HS3ST4: variants seen among roughly 807,000 people sequenced by gnomAD.
HS3ST4 encodes heparan sulfate-glucosamine 3-sulfotransferase 4.
Under a neutral mutation model 29.2 loss-of-function variants are expected in HS3ST4, and 17 were observed. That is an observed-to-expected ratio of 0.58 (90% CI 0.40 to 0.87). HS3ST4 has a LOEUF of 0.87. HS3ST4 is among the 40% of genes least tolerant of loss of function. HS3ST4 has a pLI of 0.00. For synonymous variants in HS3ST4, 314 were observed against 285.7 expected, an observed-to-expected ratio of 1.10 and a Z score of -1.00; for missense variants, 627 against 634.5, an observed-to-expected ratio of 0.99 and a Z score of 0.13.
chr16:25,887,702 T>C (rs931372883), intron 1 of HS3ST4, among the ~76,000 whole-genome samples: 1 of 142,142 alleles, frequency 7.0e-6, no homozygotes, highest in East Asian at 2.0e-4. Flanking sequence ...TTTTTTTTTT[T>C]TTTTTTTTTT....
intron 1 of HS3ST4, among the ~76,000 whole-genome samples, chr16:25,828,310 CT>C (rs1967254788): frequency 2.3e-5 from 2 of 88,708 alleles, no homozygotes; most frequent in African/African-American, 5.0e-5. Context: ...CCCTCTCTCT[CT>C]CTCTCTCTCT....
At chr16:26,110,603 C>T (rs1449893058) in intron 1 of HS3ST4, among the ~76,000 whole-genome samples, 1 of 152,220 alleles carries the variant, frequency 6.6e-6, no homozygotes, top group Non-Finnish European at 1.5e-5. Context: ...TCCCACTTCA[C>T]CGCTCTCATC....
intron 1 of HS3ST4, among the ~76,000 whole-genome samples, chr16:25,878,362 G>C (rs1967855247): frequency 6.6e-6 from 1 of 152,104 alleles, no homozygotes; most frequent in African/African-American, 2.4e-5. Context: ...CACCAGGGGT[G>C]TAATTCTAAA....
intron 1 of HS3ST4, among the ~76,000 whole-genome samples, chr16:25,767,669 C>T (rs1363599860): frequency 3.9e-5 from 6 of 152,150 alleles, no homozygotes; most frequent in African/African-American, 7.2e-5. Flanking sequence ...TGGATTATGG[C>T]AGTTTCTGGT....
intron 1 of HS3ST4, among the ~76,000 whole-genome samples, chr16:26,113,395 G>T (rs1382286179): frequency 1.3e-5 from 2 of 148,762 alleles, no homozygotes; most frequent in South Asian, 4.3e-4. Context: ...GCAGTGAGCC[G>T]AGATCACGCC....
chr16:25,709,484 A>T (rs1250234024), intron 1 of HS3ST4, among the ~76,000 whole-genome samples: 1 of 152,148 alleles, frequency 6.6e-6, no homozygotes, highest in South Asian at 2.1e-4. Flanking sequence ...CTGTTTCTAG[A>T]CACTCCTCTG....
intron 1 of HS3ST4, among the ~76,000 whole-genome samples, chr16:25,978,942 G>GCT (rs1968973282): frequency 7.6e-6 from 1 of 132,282 alleles, no homozygotes; most frequent in Admixed American, 8.1e-5. Flanking sequence ...TTCTCTTTTT[G>GCT]TTTTTTTTTT....
intron 1 of HS3ST4, among the ~76,000 whole-genome samples, chr16:25,932,135 G>A (rs1968470236): frequency 6.6e-6 from 1 of 152,184 alleles, no homozygotes; most frequent in Non-Finnish European, 1.5e-5. Context: ...GCAATATAGT[G>A]AGACCCTGTC....
At chr16:25,893,670 C>T (rs4417553) in intron 1 of HS3ST4, among the ~76,000 whole-genome samples, 108,448 of 152,140 alleles carry the variant, frequency 0.71, 38,879 homozygotes, top group East Asian at 0.89. Context: ...CATATACCTA[C>T]GTTTAGAGCC....
At chr16:26,040,659 T>C (rs1388698652) in intron 1 of HS3ST4, among the ~76,000 whole-genome samples, 1 of 151,788 alleles carries the variant, frequency 6.6e-6, no homozygotes, top group African/African-American at 2.4e-5. Flanking sequence ...TGAACACTTG[T>C]GGGGTGTTCA....
At chr16:26,047,951 G>C (rs1898289886) in intron 1 of HS3ST4, among the ~76,000 whole-genome samples, 1 of 152,182 alleles carries the variant, frequency 6.6e-6, no homozygotes, top group South Asian at 2.1e-4. Context: ...TGCTTGAGGA[G>C]AGGCATGACT....
intron 1 of HS3ST4, among the ~76,000 whole-genome samples, chr16:26,013,995 C>T (rs1969338663): frequency 1.1e-5 from 1 of 89,446 alleles, no homozygotes; most frequent in South Asian, 4.8e-4. Flanking sequence ...CGACAGATAG[C>T]AACTCTGTCT....
chr16:26,099,962 C>A (rs1321930554), intron 1 of HS3ST4, among the ~76,000 whole-genome samples: 1 of 152,152 alleles, frequency 6.6e-6, no homozygotes, highest in Non-Finnish European at 1.5e-5. Flanking sequence ...GGAGAAAGGG[C>A]AGAAACTTCA....
chr16:26,008,807 A>C (rs1161942221), intron 1 of HS3ST4, among the ~76,000 whole-genome samples: 1 of 152,214 alleles, frequency 6.6e-6, no homozygotes. Flanking sequence ...CGATAGAGTG[A>C]GACCATGTCT....
chr16:25,757,977 G>A (rs951270786), intron 1 of HS3ST4, among the ~76,000 whole-genome samples: 2 of 152,126 alleles, frequency 1.3e-5, no homozygotes, highest in East Asian at 1.9e-4. Context: ...TCTTCTAAGC[G>A]GCACACAATC....
chr16:25,929,830 T>C (rs1025858585), intron 1 of HS3ST4, among the ~76,000 whole-genome samples: 2 of 152,222 alleles, frequency 1.3e-5, no homozygotes, highest in African/African-American at 4.8e-5. Context: ...AGGATTGGGG[T>C]ACATGGTCAG....
At chr16:25,836,941 C>T (rs905786548) in intron 1 of HS3ST4, among the ~76,000 whole-genome samples, 3 of 152,164 alleles carry the variant, frequency 2.0e-5, no homozygotes, top group South Asian at 2.1e-4. Flanking sequence ...CACTGGCCAT[C>T]GTAATGAGAA....
chr16:26,071,458 A>G (rs1432599133), intron 1 of HS3ST4, among the ~76,000 whole-genome samples: 1 of 152,174 alleles, frequency 6.6e-6, no homozygotes, highest in Non-Finnish European at 1.5e-5. Flanking sequence ...AGACATCTCA[A>G]TTTTTGAGAA....
At chr16:25,931,763 G>A (rs1567275139) in intron 1 of HS3ST4, among the ~76,000 whole-genome samples, 1 of 152,204 alleles carries the variant, frequency 6.6e-6, no homozygotes, top group Non-Finnish European at 1.5e-5. Flanking sequence ...ATTCGTTTAA[G>A]TCCTTTGGTT....
Sources: allele counts gnomAD v4.1 joint callset (sites outside exome capture counted in the v4.1 genomes callset), GRCh38; gene constraint gnomAD v4.1.1; transcripts MANE v1.5; gene names NCBI Gene and HGNC (gene_info 2026-07-23, HGNC 2026-07-21).